The following NALCN variants were observed in gnomAD, a reference collection of about 807,000 sequenced individuals.
NALCN encodes the protein sodium leak channel NALCN.
In NALCN, 111 loss-of-function variants were observed where a neutral mutation model predicts 225.3. That is an observed-to-expected ratio of 0.49 (90% CI 0.42 to 0.58). The LOEUF (loss-of-function observed/expected upper bound fraction) is 0.58. Among genes scored for constraint, NALCN ranks in the 20% least tolerant of loss-of-function variants. The pLI, the probability that NALCN is intolerant of heterozygous loss-of-function variation, is 0.00. For synonymous variants in NALCN, 764 were observed against 769.0 expected (o/e 0.99, Z 0.11); for missense variants, 1,378 against 2,202.4 (o/e 0.63, Z 7.49).
intron 7 of NALCN, among the ~76,000 whole-genome samples, chr13:101,325,647 T>G (rs1330724439): frequency 6.6e-6 from 1 of 152,162 alleles, no homozygotes. Flanking sequence ...GCTAGCTGCT[T>G]TCTTACGGCT....
At chr13:101,370,449 A>G (rs991887526) in intron 6 of NALCN, among the ~76,000 whole-genome samples, 1 of 152,254 alleles carries the variant, frequency 6.6e-6, no homozygotes, top group Non-Finnish European at 1.5e-5. Flanking sequence ...TTTAATGCCC[A>G]TGTGAGGCGG....
At chr13:101,161,663 G>A (rs1279606167) in intron 15 of NALCN, among the ~76,000 whole-genome samples, 1 of 152,190 alleles carries the variant, frequency 6.6e-6, no homozygotes, top group African/African-American at 2.4e-5. Flanking sequence ...CCTGAGGTCA[G>A]GAGTTCAAGA....
At chr13:101,391,233 C>CA (rs1213366454) in intron 3 of NALCN, among the ~76,000 whole-genome samples, 4 of 151,740 alleles carry the variant, frequency 2.6e-5, no homozygotes, top group African/African-American at 4.8e-5. Flanking sequence ...ATCAAAATAA[C>CA]AAAAAAATAC....
rs929155862 is a variant in NALCN, at chr13:101,188,627, C to A, written c.1764+3290G>T. Among the ~76,000 whole-genome samples, 4 of 148,512 alleles carry A rather than the reference C, an allele frequency of 2.7e-5. No homozygotes were observed. In the Admixed American group the frequency reaches 2.7e-4, roughly 10 times the overall value. ...ATATACATATATACACACATATATA[C>A]ATATATACACATATATACACACACA... On this transcript the variant is annotated intron_variant, in intron 14 of 43. Transcript: ENST00000251127.
At chr13:101,059,571 CT>C (rs1184942307) in intron 42 of NALCN, among the ~76,000 whole-genome samples, 3 of 151,776 alleles carry the variant, frequency 2.0e-5, no homozygotes, top group African/African-American at 4.8e-5. Flanking sequence ...AGGGCATTCA[CT>C]TTTTTTGGCA....
At chr13:101,230,682 G>A (rs535994056) in intron 12 of NALCN, among the ~76,000 whole-genome samples, 183 of 152,284 alleles carry the variant, frequency 1.2e-3, no homozygotes, top group African/African-American at 4.1e-3. Flanking sequence ...TGTCCAACCC[G>A]ACAGGCTGGG....
intron 22 of NALCN, among the ~76,000 whole-genome samples, chr13:101,105,633 A>AT (rs903469614): frequency 8.2e-5 from 8 of 98,114 alleles, no homozygotes; most frequent in South Asian, 4.6e-4. Flanking sequence ...ATAATTCAAG[A>AT]TAAAAAAAAC....
At chr13:101,132,830 CT>C (rs1486024501) in intron 17 of NALCN, among the ~76,000 whole-genome samples, 1 of 152,100 alleles carries the variant, frequency 6.6e-6, no homozygotes, top group Non-Finnish European at 1.5e-5. Context: ...AAAATATTAT[CT>C]GCTTGACTTG....
intron 14 of NALCN, among the ~76,000 whole-genome samples, chr13:101,181,871 C>T (rs1398159581): frequency 6.6e-6 from 1 of 152,104 alleles, no homozygotes; most frequent in Non-Finnish European, 1.5e-5. Flanking sequence ...CAGTGGCTCA[C>T]GCCTGTAATC....
chr13:101,259,365 G>A (rs9518360), intron 10 of NALCN, among the ~76,000 whole-genome samples: 41,779 of 151,446 alleles, frequency 0.28, 6,923 homozygotes, highest in Non-Finnish European at 0.38. Context: ...AAAGAGTCTC[G>A]CTCTCTCGCC....
chr13:101,199,144 TG>T (rs2040009900), intron 13 of NALCN, among the ~76,000 whole-genome samples: 1 of 132,230 alleles, frequency 7.6e-6, no homozygotes, highest in Admixed American at 7.9e-5. Flanking sequence ...TGTTGTGGGG[TG>T]GGGGGAGGTG....
At chr13:101,345,229 A>G in intron 7 of NALCN, 37 bp downstream of exon 7, 8 of 1,593,424 alleles carry the variant, frequency 5.0e-6, no homozygotes, top group Non-Finnish European at 6.9e-6. Flanking sequence ...ACATCACAAA[A>G]TAGAAACTTA....
intron 6 of NALCN, among the ~76,000 whole-genome samples, chr13:101,367,835 G>T (rs1566621947): frequency 6.6e-6 from 1 of 151,950 alleles, no homozygotes; most frequent in Non-Finnish European, 1.5e-5. Flanking sequence ...GTTCATTATG[G>T]TCTTCAGAAT....
At position 101,117,077 on chromosome 13, in the gene NALCN, G is replaced by A. The variant is rs1407484447; in HGVS notation, c.2193-5851C>T. 2.1e-5 allele frequency: 9 copies of A among 427,338 alleles called. No individual in the cohort carries two copies. The East Asian group carries it at 5.0e-4, about 24-fold the overall frequency. 26.5% of individuals were successfully genotyped at this position (427,338 alleles called of 1,614,324 possible). Reference sequence around the variant, plus strand: ...CTCCTTTGTGAGTCAGCCCTATCCTGAGTAAATGGATCTGGCTCTTTCATA... The same window carrying A: ...CTCCTTTGTGAGTCAGCCCTATCCTAAGTAAATGGATCTGGCTCTTTCATA... On this transcript the variant is annotated intron_variant, in intron 18 of 43. Transcript: ENST00000251127.
intron 15 of NALCN, among the ~76,000 whole-genome samples, chr13:101,175,235 A>C (rs1296036531): frequency 7.3e-6 from 1 of 137,528 alleles, no homozygotes; most frequent in Non-Finnish European, 1.7e-5. Flanking sequence ...TCTTCATAAC[A>C]ATTTTTTTTT....
chr13:101,367,050 G>C (rs2046396553), intron 6 of NALCN, among the ~76,000 whole-genome samples: 1 of 151,860 alleles, frequency 6.6e-6, no homozygotes. Flanking sequence ...TTCTGTGCCT[G>C]GCTTATTTCA....
At chr13:101,249,233 T>G (rs1218945373) in intron 11 of NALCN, among the ~76,000 whole-genome samples, 1 of 152,154 alleles carries the variant, frequency 6.6e-6, no homozygotes, top group Non-Finnish European at 1.5e-5. Flanking sequence ...ACTCTATAAA[T>G]AGCAAGCAAT....
Position 101,107,802 on chromosome 13 carries a change from T to G in NALCN, c.2365-13A>C, listed in dbSNP as rs371419657. 5.0e-6 allele frequency: 8 copies of G among 1,605,338 alleles called. No individual in the cohort carries two copies. Among genetic ancestry groups the G allele is most frequent in the African/African-American group, 1.3e-5 (1 of 74,392 alleles). On this transcript the variant is annotated splice_polypyrimidine_tract_variant and intron_variant, in intron 20 of 43. Coordinates refer to ENST00000251127, the MANE Select transcript of NALCN (RefSeq NM_052867.4). ...CTGTATTGGAATGCTAGAAATAAAT[T>G]AACAGGGGGTGTGTTAAAACAGGAG... is the stretch of plus-strand genomic sequence containing the variant.
At chr13:101,332,140 T>C (rs2045198330) in intron 7 of NALCN, among the ~76,000 whole-genome samples, 2 of 151,876 alleles carry the variant, frequency 1.3e-5, no homozygotes, top group Non-Finnish European at 2.9e-5. Context: ...TAAAAACAAA[T>C]ATTAATCAGT....
Sources: gnomAD v4.1 joint callset for allele counts (sites outside exome capture counted in the v4.1 genomes callset) on GRCh38, gnomAD v4.1.1 for gene constraint, MANE v1.5 for transcripts, NCBI Gene and HGNC (gene_info 2026-07-23, HGNC 2026-07-21) for gene names.